THADA: variants seen among roughly 807,000 people sequenced by gnomAD.
The protein encoded by THADA is THADA armadillo repeat containing, also known as tRNA (32-2'-O)-methyltransferase regulator THADA.
Under a neutral mutation model 219.8 loss-of-function variants are expected in THADA, and 213 were observed. The ratio of observed to expected loss-of-function variants is 0.97; its 90% CI spans 0.87 to 1.09. THADA has a LOEUF of 1.09. Ranked by LOEUF, THADA falls within the 50% of genes least tolerant of loss-of-function variation. The pLI is 0.00. For synonymous variants in THADA, 1,018 were observed against 828.9 expected (o/e 1.23, Z -3.92); for missense variants, 2,956 against 2,311.3 (o/e 1.28, Z -5.72).
intron 12 of THADA, 149 bp from the exon 13 acceptor site, chr2:43,572,011 A>C: frequency 1.6e-6 from 1 of 637,428 alleles, no homozygotes; most frequent in Non-Finnish European, 2.7e-6. Context: ...CTAATCTCAA[A>C]GATCCTAGGG....
chr2:43,231,032 C>T lies in THADA; in HGVS notation c.5778G>A (p.Gly1926=). ...RLLAFLEGKE[G]EDTLVLSVWD... ...AAACACTGAGAACTAGGGTGTCTTC[C>T]CCTTCCTTTCCTTCCAAAAAGGCCA... The change falls in exon 38 of 38, where the codon GGG becomes GGA. Residue 1926 remains glycine (G), a synonymous_variant. Transcript: ENST00000405975. The T allele has an allele frequency of 6.2e-7, 1 of 1,613,936 alleles. No individual in the cohort carries two copies. Among genetic ancestry groups the T allele is most frequent in the South Asian group, 1.1e-5 (1 of 91,070 alleles).
chr2:43,562,031 T>C (rs1483587237), intron 15 of THADA, among the ~76,000 whole-genome samples: 3 of 152,342 alleles, frequency 2.0e-5, no homozygotes, highest in Admixed American at 1.3e-4. Context: ...TTCATTTTAA[T>C]GTGGTGTATT....
chr2:43,247,684 G>A (rs193162502), intron 36 of THADA, among the ~76,000 whole-genome samples: 481 of 132,938 alleles, frequency 3.6e-3, no homozygotes, highest in Non-Finnish European at 4.9e-3. Context: ...AGCTGAGATC[G>A]CGCCACCGCA....
chr2:43,268,742 A>G (rs1283910362), intron 36 of THADA, among the ~76,000 whole-genome samples: 1 of 152,200 alleles, frequency 6.6e-6, no homozygotes, highest in East Asian at 1.9e-4. Context: ...CTTCTCGGGC[A>G]GCACTGTCAT....
chr2:43,502,355 C>T (rs370589894), intron 24 of THADA, among the ~76,000 whole-genome samples: 79 of 152,154 alleles, frequency 5.2e-4, no homozygotes, highest in South Asian at 4.6e-3. Context: ...GAGGCCAAGG[C>T]GGGAGAATCA....
At chr2:43,386,954 T>TA (rs1322651956) in intron 29 of THADA, among the ~76,000 whole-genome samples, 2 of 151,928 alleles carry the variant, frequency 1.3e-5, no homozygotes, top group African/African-American at 4.8e-5. Context: ...CAGTACCCGT[T>TA]AGATTTATCC....
intron 22 of THADA, 39 bp downstream of exon 22, chr2:43,527,840 A>T (rs767036164): frequency 7.2e-7 from 1 of 1,395,570 alleles, no homozygotes; most frequent in Admixed American, 1.8e-5. Flanking sequence ...TTGTATATTT[A>T]GTCTTTTTAA....
intron 36 of THADA, among the ~76,000 whole-genome samples, chr2:43,249,246 C>G (rs1237669472): frequency 6.6e-6 from 1 of 152,116 alleles, no homozygotes; most frequent in African/African-American, 2.4e-5. Context: ...CGCCACTACA[C>G]CCAGCTAATT....
At chr2:43,261,825 C>A (rs946020135) in intron 36 of THADA, among the ~76,000 whole-genome samples, 7 of 152,060 alleles carry the variant, frequency 4.6e-5, no homozygotes, top group Non-Finnish European at 1.0e-4. Flanking sequence ...TTAGTAGAGA[C>A]GGGGTTTCAC....
intron 34 of THADA, among the ~76,000 whole-genome samples, chr2:43,290,317 C>G (rs148111546): frequency 1.3e-5 from 2 of 150,500 alleles, no homozygotes; most frequent in East Asian, 4.0e-4. Flanking sequence ...AGCAAATCAT[C>G]TCCATTCCTA....
intron 26 of THADA, among the ~76,000 whole-genome samples, chr2:43,433,544 A>C (rs1436236874): frequency 6.6e-6 from 1 of 151,866 alleles, no homozygotes; most frequent in Admixed American, 6.6e-5. Context: ...ACAAACAAAC[A>C]AACAAAAAAA....
At chr2:43,377,803 C>T (rs1004700205) in intron 29 of THADA, among the ~76,000 whole-genome samples, 1 of 152,106 alleles carries the variant, frequency 6.6e-6, no homozygotes, top group Non-Finnish European at 1.5e-5. Context: ...ACTGCCTCTA[C>T]CATCCAGTGC....
chr2:43,396,890 A>G (rs995819807), intron 29 of THADA, among the ~76,000 whole-genome samples: 4 of 152,154 alleles, frequency 2.6e-5, no homozygotes, highest in Non-Finnish European at 5.9e-5. Context: ...GTTATGAAAT[A>G]ATTAGTTTTC....
chr2:43,476,690 G>A lies in THADA; in HGVS notation c.3836+8544C>T, dbSNP rs577667500. Among the ~76,000 whole-genome samples, 47 of 152,270 alleles carry A rather than the reference G, an allele frequency of 3.1e-4. 1 individual carries two copies. In the South Asian group the frequency reaches 9.3e-3, roughly 30 times the overall value. ...ACTGTATTTCAAAGCTGGTTACTAT[G>A]TTATGTCGTTCTCCCTGTCGGCACT... On this transcript the variant is annotated intron_variant, in intron 26 of 37. Coordinates refer to ENST00000405975, the MANE Select transcript of THADA (RefSeq NM_022065.5).
intron 26 of THADA, among the ~76,000 whole-genome samples, chr2:43,467,136 C>G (rs1385410595): frequency 7.8e-6 from 1 of 128,172 alleles, no homozygotes; most frequent in African/African-American, 3.0e-5. Flanking sequence ...GAGCCGAGAT[C>G]GCGCCACTGC....
chr2:43,396,703 C>T (rs1336702244), intron 29 of THADA, among the ~76,000 whole-genome samples: 1 of 151,648 alleles, frequency 6.6e-6, no homozygotes, highest in South Asian at 2.1e-4. Flanking sequence ...CCCAGCTTCT[C>T]GGGAGGCTGA....
At chr2:43,401,762 T>A (rs906651699) in intron 28 of THADA, among the ~76,000 whole-genome samples, 3 of 152,092 alleles carry the variant, frequency 2.0e-5, no homozygotes, top group African/African-American at 7.2e-5. Context: ...CAGTGAAAAC[T>A]CTGAGGGCTA....
At chr2:43,277,015 T>C (rs1005000427) in intron 36 of THADA, among the ~76,000 whole-genome samples, 8 of 152,078 alleles carry the variant, frequency 5.3e-5, no homozygotes, top group African/African-American at 1.9e-4. Flanking sequence ...CTCCTCTCCA[T>C]CCCAACCCCA....
At chr2:43,430,401 G>C in intron 26 of THADA, 99 bp from the exon 27 acceptor site, 1 of 620,238 alleles carries the variant, frequency 1.6e-6, no homozygotes, top group Non-Finnish European at 2.7e-6. Flanking sequence ...CGGTTGTTTG[G>C]ATATTTAATT....
Sources: gnomAD v4.1 joint callset for allele counts (sites outside exome capture counted in the v4.1 genomes callset) on GRCh38, gnomAD v4.1.1 for gene constraint, MANE v1.5 for transcripts, NCBI Gene and HGNC (gene_info 2026-07-23, HGNC 2026-07-21) for gene names.